The following TRABD variants were observed in gnomAD, a reference collection of about 807,000 sequenced individuals.
The protein encoded by TRABD is traB domain-containing protein.
A neutral mutation model predicts 39.6 loss-of-function variants in TRABD; 23 were observed. The observed-to-expected ratio is 0.58, with a 90% CI of 0.42 to 0.82. The LOEUF (loss-of-function observed/expected upper bound fraction) is 0.82, where lower values mean the gene tolerates loss of function less well. TRABD is among the 40% of genes least tolerant of loss of function. The pLI is 0.00. For synonymous variants in TRABD, 243 were observed against 232.1 expected, an observed-to-expected ratio of 1.05 and a Z score of -0.43; for missense variants, 487 against 544.9, an observed-to-expected ratio of 0.89 and a Z score of 1.06.
chr22:50,199,147 C>A lies in TRABD; in HGVS notation c.*628C>A, dbSNP rs1442433169. 1 of 720,052 alleles carries A rather than the reference C, an allele frequency of 1.4e-6. No homozygotes were observed. The highest frequency in any genetic ancestry group is 2.6e-6 in the Non-Finnish European group (1 of 385,986). 44.6% of individuals were successfully genotyped at this position (720,052 alleles called of 1,614,324 possible). ...AAACTGAAGTAAATGTCAAAAAACA[C>A]CAGCCTTAAATCCAAAGGGAGAGAA... On this transcript the variant is annotated 3_prime_UTR_variant, in exon 10 of 10. Transcript: ENST00000380909.
At chr22:50,194,838 TCA>T in intron 4 of TRABD, 60 bp from the exon 5 acceptor site, 1 of 1,572,022 alleles carries the variant, frequency 6.4e-7, no homozygotes, top group Non-Finnish European at 8.6e-7. Flanking sequence ...GGTGCTGGCG[TCA>T]GCTGTGCTGA....
rs1348141071 is a variant in TRABD, at chr22:50,197,835, G to C, written c.684G>C (p.Val228=). The change falls in exon 8 of 10, where the codon GTG becomes GTC. Residue 228 remains valine (V), a synonymous_variant. Transcript: ENST00000380909. ...TCCCTCTCCACAGCAAGGATGACGT[G>C]GAACGCTGCAAGCAGAAGGACCTAC... ...FLSDPISKDD[V]ERCKQKDLLE... 2.5e-6 allele frequency: 4 copies of C among 1,609,524 alleles called. No homozygotes were observed. The highest frequency in any genetic ancestry group is 3.4e-6 in the Non-Finnish European group (4 of 1,179,300).
chr22:50,196,985 A>C (rs2064134941), intron 5 of TRABD: 1 of 499,448 alleles, frequency 2.0e-6, no homozygotes, highest in African/African-American at 1.9e-5. Context: ...GGCGTGCGCC[A>C]CTGCACCCGG....
chr22:50,187,750 C>T (rs981016377), intron 1 of TRABD, among the ~76,000 whole-genome samples: 1 of 152,068 alleles, frequency 6.6e-6, no homozygotes, highest in African/African-American at 2.4e-5. Flanking sequence ...GAGGCCGAGG[C>T]GGGCAGATCA....
intron 7 of TRABD, 92 bp downstream of exon 7, chr22:50,197,680 C>G: frequency 1.9e-6 from 3 of 1,574,892 alleles, no homozygotes; most frequent in African/African-American, 2.7e-5. Flanking sequence ...AGCCAATCCT[C>G]ACTCAAGGCC....
Position 50,198,190 on chromosome 22 carries a change from AG to A in TRABD, c.956+5del. The stretch of plus-strand genomic sequence containing the variant: ...TCAACATCCAGGAGATCATGACGTG[AG>A]TGCCCGCCCCTCCCTGCAAGCCCCA... On this transcript the variant is annotated splice_donor_5th_base_variant and intron_variant, in intron 9 of 9. Transcript: ENST00000380909. This position sits in a 1 kb window ranked among gnomAD's most constrained non-coding sequence, Gnocchi z 7.9. 1 of 1,603,330 alleles carries A rather than the reference AG, an allele frequency of 6.2e-7. No homozygotes were observed. The highest frequency in any genetic ancestry group is 8.5e-7 in the Non-Finnish European group (1 of 1,175,598).
Position 50,193,130 on chromosome 22 carries a change from G to A in TRABD, c.33+37G>A, listed in dbSNP as rs377095993. 31 of 1,522,480 alleles carry A rather than the reference G, an allele frequency of 2.0e-5. No individual in the cohort carries two copies. In the African/African-American group the frequency reaches 2.6e-4, roughly 13 times the overall value. The allele number at this position is 1,522,480 out of a possible 1,614,324, so 94.3% of individuals were successfully genotyped here. ...GCTGGGCTGGCTGCACAGAGACAGG[G>A]GCGGGGGGCTTCCCCGCTTTGTGGG... On this transcript the variant is annotated intron_variant, in intron 2 of 9. Coordinates refer to ENST00000380909, the MANE Select transcript of TRABD (RefSeq NM_001320485.2).
Position 50,194,421 on chromosome 22 carries a change from C to T in TRABD, c.194C>T (p.Thr65Ile). 1 of 1,612,900 alleles carries T rather than the reference C, an allele frequency of 6.2e-7. No homozygotes were observed. The highest frequency in any genetic ancestry group is 1.1e-5 in the South Asian group (1 of 91,034). ...CGGCCCAACCTGCCGCGCACTGTGACCCAGTTGGTGGCTGAGGACGGGAGC... is the reference window on the plus strand; with the variant it reads ...CGGCCCAACCTGCCGCGCACTGTGATCCAGTTGGTGGCTGAGGACGGGAGC... ...RQRPNLPRTV[T>I]QLVAEDGSRV... The change falls in exon 4 of 10, where the codon ACC becomes ATC. Residue 65 changes from threonine (T) to isoleucine (I), a missense_variant. Around this residue, in one of 3 missense-constraint regions of TRABD, gnomAD observed 358 missense variants for 414.7 expected, o/e 0.86. Transcript: ENST00000380909.
chr22:50,198,406 G>C lies in TRABD; in HGVS notation c.1018G>C (p.Gly340Arg). ...GTTGGCCGTGAAGGCCGCCTTCTTC[G>C]GCCTGCTGGGCTACAGCCTGTACTG... ...SRLAVKAAFF[G>R]LLGYSLYWMG... The change falls in exon 10 of 10, where the codon GGC becomes CGC. Residue 340 changes from glycine (G) to arginine (R), a missense_variant. By Grantham distance (125) the Gly-to-Arg change is moderately radical. Around this residue, in one of 3 missense-constraint regions of TRABD, gnomAD observed 123 missense variants for 108.3 expected, o/e 1.14. Transcript: ENST00000380909. The surrounding 1 kb of genome is among the most constrained non-coding windows in gnomAD (Gnocchi z 7.9). The C allele has an allele frequency of 6.3e-7, 1 of 1,595,610 alleles. No homozygotes were observed. The highest frequency in any genetic ancestry group is 2.2e-5 in the East Asian group (1 of 44,624).
rs565598359 is a variant in TRABD at position 50,198,633 on chromosome 22, G to C, written c.*114G>C. 8 of 1,144,234 alleles carry C rather than the reference G, an allele frequency of 7.0e-6. No individual in the cohort carries two copies. The African/African-American group carries it at 1.3e-4, about 18-fold the overall frequency. The allele number at this position is 1,144,234 out of a possible 1,614,324, so 70.9% of individuals were successfully genotyped here. A position where few individuals can be genotyped will look rare whatever the true frequency, so the allele number is the denominator to read the frequency against. On this transcript the variant is annotated 3_prime_UTR_variant, in exon 10 of 10. Coordinates refer to ENST00000380909, the MANE Select transcript of TRABD (RefSeq NM_001320485.2). The surrounding 1 kb of genome is among the most constrained non-coding windows in gnomAD (Gnocchi z 7.9). ...CCCCTGCCACCCCCCATGGGGGTCT[G>C]GGCCCGGCCTCGCCTGCCCTCCTGG...
In TRABD at chr22:50,198,620, C is replaced by G; in HGVS notation, c.*101C>G. ...AGCCCGCCCGAGGCCCCTGCCACCCCCCATGGGGGTCTGGGCCCGGCCTCG... is the reference window on the plus strand; with the variant it reads ...AGCCCGCCCGAGGCCCCTGCCACCCGCCATGGGGGTCTGGGCCCGGCCTCG... On this transcript the variant is annotated 3_prime_UTR_variant, in exon 10 of 10. Coordinates refer to ENST00000380909, the MANE Select transcript of TRABD (RefSeq NM_001320485.2). This position sits in a 1 kb window ranked among gnomAD's most constrained non-coding sequence, Gnocchi z 7.9. The G allele has an allele frequency of 1.6e-6, 2 of 1,270,310 alleles. No homozygotes were observed. Among genetic ancestry groups the G allele is most frequent in the South Asian group, 1.6e-5 (1 of 62,494 alleles). The allele number at this position is 1,270,310 out of a possible 1,614,324, so 78.7% of individuals were successfully genotyped here.
intron 1 of TRABD, among the ~76,000 whole-genome samples, chr22:50,188,007 C>T (rs889345115): frequency 1.5e-4 from 21 of 141,290 alleles, no homozygotes; most frequent in East Asian, 4.4e-4. Context: ...CTTGGCCTGG[C>T]GCAGTGGCTC....
chr22:50,198,343 A>T lies in TRABD; in HGVS notation c.957-2A>T. On this transcript the variant is annotated splice_acceptor_variant, in intron 9 of 9. Transcript: ENST00000380909. LOFTEE classifies it high-confidence loss of function. This position sits in a 1 kb window ranked among gnomAD's most constrained non-coding sequence, Gnocchi z 7.9. ...AGGCCCAGCGCCCCCTCCCTCCCAC[A>T]GCGTGCCCCCGCCGTCCGTCTCCGG... 1 of 1,560,652 alleles carries T rather than the reference A, an allele frequency of 6.4e-7. No homozygotes were observed. The highest frequency in any genetic ancestry group is 8.6e-7 in the Non-Finnish European group (1 of 1,156,450).
intron 5 of TRABD, among the ~76,000 whole-genome samples, chr22:50,196,568 C>T (rs2064115798): frequency 1.3e-5 from 2 of 152,358 alleles, no homozygotes; most frequent in Middle Eastern, 3.4e-3. Context: ...TCCGCACCAG[C>T]AGTGCTGTGC....
rs145305495 is a variant in TRABD, at chr22:50,198,487, C to A, written c.1099C>A (p.Leu367Met). 6.0e-5 allele frequency: 95 copies of A among 1,584,976 alleles called. No individual in the cohort carries two copies. The African/African-American group carries it at 1.2e-3, about 20-fold the overall frequency. ...GTCGCTGCCCGCCGCGCAGTACTGCCTGCAGAGGGTGACCGAGGCCCGGCA... is the reference window on the plus strand; with the variant it reads ...GTCGCTGCCCGCCGCGCAGTACTGCATGCAGAGGGTGACCGAGGCCCGGCA... ...VLSLPAAQYCLQRVTEARHK is the reference protein window; with the variant it reads ...VLSLPAAQYCMQRVTEARHK Residue 367 changes from leucine to methionine, a missense_variant, in exon 10 of 10, where the codon CTG (leucine) becomes ATG (methionine). Coordinates refer to ENST00000380909, the MANE Select transcript of TRABD (RefSeq NM_001320485.2). The surrounding 1 kb of genome is among the most constrained non-coding windows in gnomAD (Gnocchi z 7.9).
intron 2 of TRABD, among the ~76,000 whole-genome samples, 179 bp from the exon 3 acceptor site, chr22:50,193,397 G>A (rs566475440): frequency 2.0e-5 from 3 of 152,230 alleles, no homozygotes; most frequent in East Asian, 1.9e-4. Context: ...GAGCGGCCAC[G>A]GGTCCCTTTC....
chr22:50,197,124 A>G, intron 5 of TRABD, 117 bp from the exon 6 acceptor site: 1 of 1,049,016 alleles, frequency 9.5e-7, no homozygotes, highest in Non-Finnish European at 1.4e-6. Context: ...CCAAGGACAC[A>G]GCACTGGGCT....
chr22:50,198,280 G>A lies in TRABD; in HGVS notation c.957-65G>A. ...GCCAACCACATGCGGCAGTGACCCA[G>A]GCATGGGGGCTGGGGTATGGGGAGC... On this transcript the variant is annotated intron_variant, in intron 9 of 9. Transcript: ENST00000380909. This position sits in a 1 kb window ranked among gnomAD's most constrained non-coding sequence, Gnocchi z 7.9. The A allele has an allele frequency of 6.6e-7, 1 of 1,514,812 alleles. No individual in the cohort carries two copies. The highest frequency in any genetic ancestry group is 9.0e-7 in the Non-Finnish European group (1 of 1,115,796). 93.8% of individuals were successfully genotyped at this position (1,514,812 alleles called of 1,614,324 possible).
intron 5 of TRABD, among the ~76,000 whole-genome samples, chr22:50,195,606 G>A (rs202072668): frequency 2.0e-5 from 3 of 152,206 alleles, no homozygotes; most frequent in East Asian, 1.9e-4. Context: ...GGGATTACAG[G>A]TGCCTGCCAC....
Sources: allele counts gnomAD v4.1 joint callset (sites outside exome capture counted in the v4.1 genomes callset), GRCh38; gene constraint gnomAD v4.1.1; regional missense constraint gnomAD v4.1.1; non-coding constraint Gnocchi (gnomAD v3.1); transcripts MANE v1.5; gene names NCBI Gene and HGNC (gene_info 2026-07-23, HGNC 2026-07-21).